Variants in TTC28 observed in about 807,000 individuals in gnomAD.
TTC28 encodes the protein tetratricopeptide repeat domain 28, also known as tetratricopeptide repeat protein 28.
Under a neutral mutation model 198.0 loss-of-function variants are expected in TTC28, and 61 were observed. The ratio of observed to expected loss-of-function variants is 0.31; its 90% CI spans 0.25 to 0.38. The LOEUF is 0.38. TTC28 is among the 10% of genes least tolerant of loss of function. The pLI is 1.00. For missense variants in TTC28, 2,678 were observed against 3,164.0 expected (o/e 0.85, Z 3.69); for synonymous variants, 1,171 against 1,297.8 (o/e 0.90, Z 2.10).
At chr22:28,458,034 T>C (rs953696727) in intron 2 of TTC28, among the ~76,000 whole-genome samples, 57 of 152,124 alleles carry the variant, frequency 3.7e-4, no homozygotes, top group African/African-American at 1.3e-3. Context: ...CATTTTATTT[T>C]CTAACTTAGA....
intron 2 of TTC28, among the ~76,000 whole-genome samples, chr22:28,338,055 G>A (rs2045762648): frequency 6.6e-6 from 1 of 152,042 alleles, no homozygotes; most frequent in Non-Finnish European, 1.5e-5. Context: ...AAATCTCTCA[G>A]CATTTGCTTG....
chr22:28,551,076 C>A (rs779283108), intron 2 of TTC28, among the ~76,000 whole-genome samples: 38 of 152,040 alleles, frequency 2.5e-4, no homozygotes, highest in African/African-American at 8.7e-4. Flanking sequence ...TACTACTAGA[C>A]CTAAGAAATG....
chr22:28,091,280 G>C (rs1941805714), intron 12 of TTC28, among the ~76,000 whole-genome samples: 1 of 152,378 alleles, frequency 6.6e-6, no homozygotes, highest in South Asian at 2.1e-4. Context: ...GCATGGAAGA[G>C]TGAGACCAAG....
chr22:28,378,650 A>C (rs2046449872), intron 2 of TTC28, among the ~76,000 whole-genome samples: 1 of 152,096 alleles, frequency 6.6e-6, no homozygotes, highest in South Asian at 2.1e-4. Context: ...GTGTCAAAAA[A>C]ACAACAACAA....
intron 5 of TTC28, among the ~76,000 whole-genome samples, chr22:28,238,477 A>G (rs1005854632): frequency 2.0e-5 from 3 of 152,152 alleles, no homozygotes; most frequent in Non-Finnish European, 4.4e-5. Flanking sequence ...TCTCTTCTAA[A>G]TCTTTGAAAA....
intron 14 of TTC28, among the ~76,000 whole-genome samples, chr22:28,010,672 G>A (rs369953121): frequency 8.5e-5 from 13 of 152,162 alleles, no homozygotes; most frequent in African/African-American, 3.1e-4. Context: ...CCCCCACCCT[G>A]AAATCACTGT....
At chr22:28,007,755 C>T (rs988637156) in intron 14 of TTC28, 1 of 152,196 alleles carries the variant, frequency 6.6e-6, no homozygotes, top group Non-Finnish European at 1.5e-5. Flanking sequence ...AGAGCCAGCA[C>T]GCAGATGACA....
rs561779361 is a variant in TTC28 at position 28,457,911 on chromosome 22, C to T, written c.382-151268G>A. ...GAATATATGTCCATTTATTCAATTC[C>T]CTTTTATAACTCTAAATGAAGTTTT... is the stretch of plus-strand genomic sequence containing the variant. On this transcript the variant is annotated intron_variant, in intron 2 of 22. Transcript: ENST00000397906. Among the ~76,000 whole-genome samples, 10 of 152,116 alleles carry T rather than the reference C, an allele frequency of 6.6e-5. 1 individual carries two copies. Among genetic ancestry groups the T allele is most frequent in the African/African-American group, 2.2e-4 (9 of 41,510 alleles).
chr22:28,524,050 C>T (rs990683452), intron 2 of TTC28, among the ~76,000 whole-genome samples: 1 of 152,088 alleles, frequency 6.6e-6, no homozygotes, highest in Non-Finnish European at 1.5e-5. Flanking sequence ...AGGAGGAAGA[C>T]TGTGAAAAGG....
intron 16 of TTC28, 36 bp from the exon 17 acceptor site, chr22:27,996,295 G>T (rs1338167732): frequency 2.6e-6 from 4 of 1,542,616 alleles, no homozygotes; most frequent in Non-Finnish European, 3.5e-6. Context: ...CAGCAGGGCA[G>T]CTGGAGACCC....
At chr22:28,499,934 T>A (rs576557184) in intron 2 of TTC28, among the ~76,000 whole-genome samples, 1 of 152,210 alleles carries the variant, frequency 6.6e-6, no homozygotes, top group African/African-American at 2.4e-5. Flanking sequence ...TTTCTTCATG[T>A]TGTGAACAGT....
At chr22:28,427,946 C>A (rs571448373) in intron 2 of TTC28, among the ~76,000 whole-genome samples, 15 of 152,196 alleles carry the variant, frequency 9.9e-5, no homozygotes, top group African/African-American at 3.6e-4. Context: ...AATATGTACA[C>A]CTCTTCTAAA....
intron 6 of TTC28, among the ~76,000 whole-genome samples, chr22:28,112,746 ATTT>A (rs1234862125): frequency 6.6e-6 from 1 of 152,106 alleles, no homozygotes; most frequent in East Asian, 1.9e-4. Flanking sequence ...CCACAGCTTG[ATTT>A]TCCAGGGCCG....
Position 28,329,135 on chromosome 22 carries a change from AACTT to A in TTC28, c.382-22496_382-22493del, listed in dbSNP as rs1276302816. Reference sequence around the variant, plus strand: ...TCCGACTTTCTTCTTGCTGTCCTATAACTTACCCCCAATAACTCTCCTGTAATTG... The same window carrying A: ...TCCGACTTTCTTCTTGCTGTCCTATAACCCCCAATAACTCTCCTGTAATTG... On this transcript the variant is annotated intron_variant, in intron 2 of 22. Coordinates refer to ENST00000397906, the MANE Select transcript of TTC28 (RefSeq NM_001145418.2). Among the ~76,000 whole-genome samples, 3 of 152,206 alleles carry A rather than the reference AACTT, an allele frequency of 2.0e-5. No individual in the cohort carries two copies. In the East Asian group the frequency reaches 5.8e-4, roughly 29 times the overall value.
At chr22:28,200,479 G>T (rs1925827433) in intron 5 of TTC28, among the ~76,000 whole-genome samples, 1 of 151,988 alleles carries the variant, frequency 6.6e-6, no homozygotes, top group African/African-American at 2.4e-5. Context: ...GGCCCCAAAA[G>T]AATAAATTAG....
chr22:28,433,578 AAAT>A (rs1322577173), intron 2 of TTC28, among the ~76,000 whole-genome samples: 2 of 152,240 alleles, frequency 1.3e-5, no homozygotes, highest in Admixed American at 6.5e-5. Context: ...TCTCTAAAAT[AAAT>A]AATATTTGTG....
intron 2 of TTC28, among the ~76,000 whole-genome samples, chr22:28,471,998 T>C (rs1266575662): frequency 6.6e-6 from 1 of 152,098 alleles, no homozygotes; most frequent in Non-Finnish European, 1.5e-5. Flanking sequence ...ATTTAATAAA[T>C]GATGTATGAT....
intron 1 of TTC28, among the ~76,000 whole-genome samples, chr22:28,635,627 T>C (rs1325464030): frequency 6.6e-6 from 1 of 152,066 alleles, no homozygotes. Flanking sequence ...ACTACATACA[T>C]AGTAAAATTC....
chr22:28,343,816 T>G (rs2145913773), intron 2 of TTC28, among the ~76,000 whole-genome samples: 1 of 152,332 alleles, frequency 6.6e-6, no homozygotes, highest in East Asian at 1.9e-4. Flanking sequence ...TTTTACCTAT[T>G]TTTTAAAATT....
Sources: allele counts gnomAD v4.1 joint callset (sites outside exome capture counted in the v4.1 genomes callset), GRCh38; gene constraint gnomAD v4.1.1; transcripts MANE v1.5; gene names NCBI Gene and HGNC (gene_info 2026-07-23, HGNC 2026-07-21).